The following GNA12 variants were observed in gnomAD, a reference collection of about 807,000 sequenced individuals.
GNA12 encodes the protein G protein subunit alpha 12.
A neutral mutation model predicts 26.0 loss-of-function variants in GNA12; 9 were observed. That is an observed-to-expected ratio of 0.35 (90% CI 0.21 to 0.60). GNA12 has a LOEUF of 0.60. Ranked by LOEUF, GNA12 falls within the 20% of genes least tolerant of loss-of-function variation. The pLI, the probability that GNA12 is intolerant of heterozygous loss-of-function variation, is 0.78. For synonymous variants in GNA12, 264 were observed against 219.6 expected (o/e 1.20, Z -1.79); for missense variants, 405 against 525.8 (o/e 0.77, Z 2.25).
At chr7:2,834,120 G>A (rs910596410) in intron 1 of GNA12, among the ~76,000 whole-genome samples, 14 of 152,206 alleles carry the variant, frequency 9.2e-5, no homozygotes, top group African/African-American at 3.4e-4. Flanking sequence ...CTAGAGTGCT[G>A]CGACTGCAGT....
chr7:2,744,552 G>T (rs979451856), intron 2 of GNA12, among the ~76,000 whole-genome samples: 1 of 152,044 alleles, frequency 6.6e-6, no homozygotes, highest in Admixed American at 6.6e-5. Context: ...AGGTAGAAAA[G>T]ACCACAAAGA....
rs530722639 is a variant in GNA12 at position 2,813,160 on chromosome 7, A to C, written c.310-18017T>G. Among the ~76,000 whole-genome samples, 7 of 152,188 alleles carry C rather than the reference A, an allele frequency of 4.6e-5. No homozygotes were observed. In the East Asian group the frequency reaches 1.4e-3, roughly 29 times the overall value. ...GGTCTTGAACTCCTGGCCTCAAGTGATCCTCCTGCCTGGTATCCAGCAACC... is the reference window on the plus strand; with the variant it reads ...GGTCTTGAACTCCTGGCCTCAAGTGCTCCTCCTGCCTGGTATCCAGCAACC... On this transcript the variant is annotated intron_variant, in intron 1 of 3. Transcript: ENST00000275364.
At chr7:2,810,768 G>A (rs916641592) in intron 1 of GNA12, among the ~76,000 whole-genome samples, 28 of 152,178 alleles carry the variant, frequency 1.8e-4, no homozygotes, top group African/African-American at 6.8e-4. Flanking sequence ...CATGGTGGCA[G>A]GTGCCTGTGA....
Position 2,804,243 on chromosome 7 carries a change from C to A in GNA12, c.310-9100G>T, listed in dbSNP as rs75890446. Among the ~76,000 whole-genome samples, 1,469 of 152,308 alleles carry A rather than the reference C, an allele frequency of 9.6e-3. 10 individuals carry two copies. The highest frequency in any genetic ancestry group is 0.075 in the Middle Eastern group (22 of 294). The stretch of plus-strand genomic sequence containing the variant: ...CAAGTCAGGATCTGCATTGTGAAAT[C>A]ATTTAGTAGGCATTTTAAAAAGGAA... On this transcript the variant is annotated intron_variant, in intron 1 of 3. Coordinates refer to ENST00000275364, the MANE Select transcript of GNA12 (RefSeq NM_007353.3).
At chr7:2,741,364 A>C (rs188295856) in intron 2 of GNA12, among the ~76,000 whole-genome samples, 79 of 152,160 alleles carry the variant, frequency 5.2e-4, no homozygotes, top group East Asian at 1.7e-3. Context: ...CTTAAAAAAA[A>C]CCCAAAAACC....
intron 1 of GNA12, among the ~76,000 whole-genome samples, chr7:2,820,574 G>T (rs1357221647): frequency 3.9e-5 from 6 of 151,950 alleles, no homozygotes; most frequent in Non-Finnish European, 1.5e-5. Context: ...AATTGAAAAA[G>T]AAAGTCCCAA....
intron 1 of GNA12, among the ~76,000 whole-genome samples, chr7:2,833,796 C>T (rs980475226): frequency 6.6e-6 from 1 of 152,132 alleles, no homozygotes; most frequent in African/African-American, 2.4e-5. Context: ...AAACCCGCCG[C>T]AGCATCAAGC....
chr7:2,766,887 C>T (rs1318877330), intron 2 of GNA12, among the ~76,000 whole-genome samples: 5 of 152,186 alleles, frequency 3.3e-5, no homozygotes, highest in Non-Finnish European at 7.3e-5. Flanking sequence ...CTCCATTCCT[C>T]ACCAACACTT....
chr7:2,751,519 A>G (rs899549029), intron 2 of GNA12, among the ~76,000 whole-genome samples: 5 of 152,220 alleles, frequency 3.3e-5, no homozygotes, highest in Admixed American at 2.0e-4. Context: ...GAGAAAGAAA[A>G]TAACAAAGAT....
intron 1 of GNA12, among the ~76,000 whole-genome samples, chr7:2,842,001 T>TAGGGAGGGAGGGAGAAAGGAAGAA (rs1779001812): frequency 3.1e-5 from 3 of 95,794 alleles, no homozygotes; most frequent in Admixed American, 2.3e-4. Flanking sequence ...GGTAGAGAGG[T>TAGGGAGGGAGGGAGAAAGGAAGAA]AGGGAGGGAG....
intron 2 of GNA12, among the ~76,000 whole-genome samples, chr7:2,768,994 C>T (rs1311990826): frequency 6.6e-6 from 1 of 152,232 alleles, no homozygotes; most frequent in Non-Finnish European, 1.5e-5. Flanking sequence ...CCCTCCACCT[C>T]CTGGGTTCAA....
At position 2,844,280 on chromosome 7, in the gene GNA12, T is replaced by TCCG. The variant is rs978603232; in HGVS notation, c.-122_-120dup. ...GCCCCGCCGCTCGCCTCAGGCCGCG[T>TCCG]CCGCCGCCGCCGCTGCAGTCGCTCC... On this transcript the variant is annotated 5_prime_UTR_variant, in exon 1 of 4. Transcript: ENST00000275364. 3.7e-5 allele frequency: 14 copies of TCCG among 379,340 alleles called. No individual in the cohort carries two copies. Among genetic ancestry groups the TCCG allele is most frequent in the Admixed American group, 1.3e-4 (2 of 15,164 alleles). The allele number at this position is 379,340 out of a possible 1,614,324, so 23.5% of individuals were successfully genotyped here. A position where few individuals can be genotyped will look rare whatever the true frequency, so the allele number is the denominator to read the frequency against.
At chr7:2,735,669 G>T (rs1790134020) in intron 2 of GNA12, among the ~76,000 whole-genome samples, 1 of 152,174 alleles carries the variant, frequency 6.6e-6, no homozygotes, top group Admixed American at 6.5e-5. Flanking sequence ...AATGAGGATG[G>T]CTCATTTAAC....
chr7:2,762,386 T>C (rs774675587), intron 2 of GNA12: 488 of 446,566 alleles, frequency 1.1e-3, no homozygotes, highest in Non-Finnish European at 1.7e-3. Context: ...CGGTTCCCAC[T>C]TTCCTCACTG....
rs1793269269 is a variant in GNA12, at chr7:2,818,607, AC to A, written c.310-23465del. On this transcript the variant is annotated intron_variant, in intron 1 of 3. Coordinates refer to ENST00000275364, the MANE Select transcript of GNA12 (RefSeq NM_007353.3). ...GTGAAACCCCGACTCTAATAAAAAT[AC>A]AAACAATATTTGGGCATGGTGGCGT... 2.0e-5 allele frequency among the ~76,000 whole-genome samples: 3 copies of A among 152,162 alleles called. No individual in the cohort carries two copies. The South Asian group carries it at 6.2e-4, about 32-fold the overall frequency.
chr7:2,770,956 G>A (rs1277024944), intron 2 of GNA12, among the ~76,000 whole-genome samples: 1 of 152,154 alleles, frequency 6.6e-6, no homozygotes, highest in Non-Finnish European at 1.5e-5. Flanking sequence ...TCCTTGCAGA[G>A]CAAATGGACA....
intron 2 of GNA12, among the ~76,000 whole-genome samples, chr7:2,773,371 T>A (rs1427219656): frequency 1.3e-5 from 2 of 152,364 alleles, no homozygotes; most frequent in Non-Finnish European, 1.5e-5. Flanking sequence ...GAGACCAGCC[T>A]GGCCAACATG....
chr7:2,771,466 C>G (rs1229150060), intron 2 of GNA12, among the ~76,000 whole-genome samples: 1 of 152,192 alleles, frequency 6.6e-6, no homozygotes, highest in Non-Finnish European at 1.5e-5. Flanking sequence ...CCCTGCACTC[C>G]CTTCCTGCCC....
At chr7:2,748,866 T>G (rs1790893044) in intron 2 of GNA12, among the ~76,000 whole-genome samples, 1 of 152,106 alleles carries the variant, frequency 6.6e-6, no homozygotes, top group African/African-American at 2.4e-5. Context: ...GAACAGACAC[T>G]TCTCAAAAAA....
Sources: allele counts gnomAD v4.1 joint callset (sites outside exome capture counted in the v4.1 genomes callset), GRCh38; gene constraint gnomAD v4.1.1; transcripts MANE v1.5; gene names NCBI Gene and HGNC (gene_info 2026-07-23, HGNC 2026-07-21).